The following PEX5L variants were observed in gnomAD, a reference collection of about 807,000 sequenced individuals.
The protein encoded by PEX5L is peroxisomal biogenesis factor 5 like, also known as PEX5-related protein.
A neutral mutation model predicts 84.0 loss-of-function variants in PEX5L; 30 were observed. That is an observed-to-expected ratio of 0.36 (90% CI 0.27 to 0.48). The LOEUF is 0.48. PEX5L is among the 20% of genes least tolerant of loss of function. The pLI is 0.99. For missense variants in PEX5L, 533 were observed against 754.6 expected (o/e 0.71, Z 3.44); for synonymous variants, 270 against 283.1 (o/e 0.95, Z 0.46).
intron 8 of PEX5L, among the ~76,000 whole-genome samples, chr3:179,823,952 T>G (rs1729422600): frequency 6.6e-6 from 1 of 152,154 alleles, no homozygotes; most frequent in Non-Finnish European, 1.5e-5. Flanking sequence ...AAAATTATAC[T>G]TTAAAATGTT....
intron 2 of PEX5L, chr3:179,902,738 T>C (rs759721640): frequency 2.5e-4 from 113 of 445,556 alleles, no homozygotes; most frequent in Non-Finnish European, 4.8e-4. Flanking sequence ...ACTGGTGTAG[T>C]TGCAGATTCT....
intron 3 of PEX5L, among the ~76,000 whole-genome samples, chr3:179,897,333 A>G (rs951973936): frequency 6.6e-6 from 1 of 152,246 alleles, no homozygotes; most frequent in Admixed American, 6.6e-5. Flanking sequence ...GCAAGTAAAA[A>G]TATTTCTCAT....
rs767512456 is a variant in PEX5L, at chr3:179,816,010, A to G, written c.940-6T>C. 1.2e-6 allele frequency: 2 copies of G among 1,614,006 alleles called. No homozygotes were observed. Among genetic ancestry groups the G allele is most frequent in the East Asian group, 4.5e-5 (2 of 44,880 alleles). ...TCAGTGTGAAAGTAATATCCCTGCA[A>G]CACAGAAAAAGGCCAGTGCATGAGC... is the stretch of plus-strand genomic sequence containing the variant. On this transcript the variant is annotated splice_polypyrimidine_tract_variant and splice_region_variant and intron_variant, in intron 9 of 14. Transcript: ENST00000467460.
chr3:179,989,829 C>G (rs1386809511), intron 1 of PEX5L, among the ~76,000 whole-genome samples: 1 of 152,134 alleles, frequency 6.6e-6, no homozygotes, highest in African/African-American at 2.4e-5. Context: ...TATATCAATT[C>G]AAATGATAAA....
At chr3:179,987,989 A>G (rs1052553297) in intron 1 of PEX5L, among the ~76,000 whole-genome samples, 2 of 152,120 alleles carry the variant, frequency 1.3e-5, no homozygotes, top group African/African-American at 4.8e-5. Context: ...AGTTTTTCCC[A>G]TATTCAAAGG....
At chr3:179,853,843 C>G (rs1197977582) in intron 8 of PEX5L, among the ~76,000 whole-genome samples, 2 of 150,654 alleles carry the variant, frequency 1.3e-5, no homozygotes, top group Non-Finnish European at 3.0e-5. Context: ...GTAGGGTCTC[C>G]TTCTGTCATT....
rs73059358 is a variant in PEX5L at position 180,021,163 on chromosome 3, C to T, written c.21+15416G>A. On this transcript the variant is annotated intron_variant, in intron 1 of 14. Coordinates refer to ENST00000467460, the MANE Select transcript of PEX5L (RefSeq NM_016559.3). ...TGGATTTTGAAGGATAAGCAAGGAT[C>T]GGCCAGGTAGGTGAGAATGTGGGTG... Among the ~76,000 whole-genome samples the T allele has an allele frequency of 4.2e-3, 645 of 152,204 alleles. 6 individuals carry two copies. Among genetic ancestry groups the T allele is most frequent in the African/African-American group, 0.014 (601 of 41,528 alleles).
intron 8 of PEX5L, among the ~76,000 whole-genome samples, chr3:179,833,715 CG>C (rs531788340): frequency 3.7e-4 from 56 of 151,508 alleles, no homozygotes; most frequent in African/African-American, 1.3e-3. Flanking sequence ...TCCAAAAGAA[CG>C]AAAAAAGAAA....
At chr3:180,024,372 A>ATATG (rs1436580822) in intron 1 of PEX5L, among the ~76,000 whole-genome samples, 1 of 119,676 alleles carries the variant, frequency 8.4e-6, no homozygotes, top group Non-Finnish European at 1.6e-5. Context: ...ATATATATAT[A>ATATG]TACACACACA....
rs191309265 is a variant in PEX5L, at chr3:180,008,314, T to C, written c.21+28265A>G. Among the ~76,000 whole-genome samples the C allele has an allele frequency of 4.6e-5, 7 of 152,300 alleles. No individual in the cohort carries two copies. The East Asian group carries it at 1.4e-3, about 29-fold the overall frequency. On this transcript the variant is annotated intron_variant, in intron 1 of 14. Coordinates refer to ENST00000467460, the MANE Select transcript of PEX5L (RefSeq NM_016559.3). ...CAACAAGTGCCTCATCTCTTCTCCA[T>C]CTGAGACCACCTCAGCCTGGACCTT...
intron 2 of PEX5L, among the ~76,000 whole-genome samples, chr3:179,931,601 G>T (rs1398366660): frequency 6.6e-6 from 1 of 152,058 alleles, no homozygotes; most frequent in Non-Finnish European, 1.5e-5. Flanking sequence ...ATGTTCTGAT[G>T]TATTTAAATT....
intron 8 of PEX5L, among the ~76,000 whole-genome samples, chr3:179,855,888 C>A (rs916660211): frequency 1.3e-4 from 20 of 152,212 alleles, no homozygotes; most frequent in Admixed American, 1.3e-3. Flanking sequence ...GTGAGCAATA[C>A]ATTTCTACTA....
chr3:179,967,801 G>T (rs1294918732), intron 2 of PEX5L, among the ~76,000 whole-genome samples: 3 of 152,096 alleles, frequency 2.0e-5, no homozygotes, highest in Non-Finnish European at 4.4e-5. Flanking sequence ...GTGTGGTCTG[G>T]AACCAGCAGC....
intron 1 of PEX5L, among the ~76,000 whole-genome samples, chr3:180,023,052 C>G (rs990210101): frequency 6.6e-6 from 1 of 152,120 alleles, no homozygotes; most frequent in African/African-American, 2.4e-5. Flanking sequence ...CATTTTGCAG[C>G]GGCTGAGGTA....
At chr3:179,876,677 AAT>A (rs1207293518) in intron 5 of PEX5L, among the ~76,000 whole-genome samples, 1 of 151,946 alleles carries the variant, frequency 6.6e-6, no homozygotes, top group Non-Finnish European at 1.5e-5. Context: ...TCATCTCCAA[AAT>A]TTCTCATCAT....
Position 179,802,045 on chromosome 3 carries a change from A to G in PEX5L, c.1677-13T>C. On this transcript the variant is annotated splice_polypyrimidine_tract_variant and intron_variant, in intron 14 of 14. Transcript: ENST00000467460. ...GCTGACCGCTTCTCTAAGAAGGTAGAAAAACATATTTTAAAATGAGTCACA... is the reference window on the plus strand; with the variant it reads ...GCTGACCGCTTCTCTAAGAAGGTAGGAAAACATATTTTAAAATGAGTCACA... The G allele has an allele frequency of 6.3e-7, 1 of 1,581,190 alleles. No homozygotes were observed. Among genetic ancestry groups the G allele is most frequent in the Non-Finnish European group, 8.7e-7 (1 of 1,150,598 alleles).
chr3:180,023,426 C>T (rs993042065), intron 1 of PEX5L, among the ~76,000 whole-genome samples: 3 of 152,198 alleles, frequency 2.0e-5, no homozygotes, highest in African/African-American at 4.8e-5. Context: ...TGCTCCCAAA[C>T]AGCACGTCCT....
At chr3:180,025,201 A>T (rs1382975377) in intron 1 of PEX5L, among the ~76,000 whole-genome samples, 1 of 152,172 alleles carries the variant, frequency 6.6e-6, no homozygotes, top group East Asian at 1.9e-4. Flanking sequence ...AGCTCATGGG[A>T]ATAGACCAGA....
At chr3:179,864,290 T>C (rs1747337798) in intron 7 of PEX5L, among the ~76,000 whole-genome samples, 1 of 152,154 alleles carries the variant, frequency 6.6e-6, no homozygotes, top group African/African-American at 2.4e-5. Flanking sequence ...TCAGTCTGTC[T>C]ATCGATGGAA....
Sources: allele counts gnomAD v4.1 joint callset (sites outside exome capture counted in the v4.1 genomes callset), GRCh38; gene constraint gnomAD v4.1.1; transcripts MANE v1.5; gene names NCBI Gene and HGNC (gene_info 2026-07-23, HGNC 2026-07-21).